Variants in SRFBP1 observed in about 807,000 individuals in gnomAD.
SRFBP1 encodes serum response factor binding protein 1, also known as serum response factor-binding protein 1.
In SRFBP1, 47 loss-of-function variants were observed where a neutral mutation model predicts 45.5. The observed-to-expected ratio is 1.03, with a 90% CI of 0.82 to 1.32. SRFBP1 has a LOEUF of 1.32. Among genes scored for constraint, SRFBP1 ranks in the 40% most tolerant of loss-of-function variants. The pLI is 0.00. For missense variants in SRFBP1, 621 were observed against 484.6 expected (o/e 1.28, Z -2.64); for synonymous variants, 203 against 166.3 (o/e 1.22, Z -1.70).
intron 2 of SRFBP1, among the ~76,000 whole-genome samples, chr5:122,047,192 A>C (rs374310636): frequency 0.041 from 6,316 of 152,290 alleles, 149 homozygotes; most frequent in African/African-American, 0.05. Flanking sequence ...CTAACATTTA[A>C]GTCTTTAATC....
chr5:122,039,135 G>A (rs1207891354), intron 2 of SRFBP1, among the ~76,000 whole-genome samples: 1 of 152,208 alleles, frequency 6.6e-6, no homozygotes. Flanking sequence ...AGAACGGTGT[G>A]TCCTCTGTAT....
intron 4 of SRFBP1, among the ~76,000 whole-genome samples, chr5:122,012,450 GA>G (rs1166350701): frequency 6.6e-6 from 1 of 151,952 alleles, no homozygotes; most frequent in Non-Finnish European, 1.5e-5. Context: ...TTTAAGAATG[GA>G]AAACTAAATT....
Position 122,022,378 on chromosome 5 carries a change from A to C in SRFBP1, c.1076A>C (p.Lys359Thr), listed in dbSNP as rs761375719. 7.4e-6 allele frequency: 12 copies of C among 1,611,214 alleles called. No individual in the cohort carries two copies. Among genetic ancestry groups the C allele is most frequent in the South Asian group, 6.6e-5 (6 of 90,330 alleles). ...TGTTTTTCTTCTTTTAGAAATTTCA[A>C]AGAACAGGCTCCAAAAACAAGATCC... ...SGSKSSRRNF[K>T]EQAPKTRSLD... The change falls in exon 7 of 8, where the codon AAA becomes ACA. Residue 359 changes from lysine (K) to threonine (T), a missense_variant. Physicochemically the swap from Lys to Thr is moderately conservative, Grantham distance 78. Transcript: ENST00000339397.
intron 2 of SRFBP1, among the ~76,000 whole-genome samples, chr5:122,036,584 G>A (rs1462313654): frequency 1.3e-5 from 2 of 152,182 alleles, no homozygotes; most frequent in Non-Finnish European, 2.9e-5. Flanking sequence ...GGAGGCTAGA[G>A]ATGGAGTAGC....
At chr5:122,031,518 TC>T (rs1004010312), downstream of SRFBP1, among the ~76,000 whole-genome samples, 23 of 151,870 alleles carry the variant, frequency 1.5e-4, no homozygotes, top group African/African-American at 5.6e-4. Context: ...ATAGAGAAAA[TC>T]AATAATGAGA....
chr5:121,998,145 C>T (rs1325246391), intron 4 of SRFBP1, among the ~76,000 whole-genome samples: 1 of 150,504 alleles, frequency 6.6e-6, no homozygotes, highest in Non-Finnish European at 1.5e-5. Context: ...TACCATTTGA[C>T]CCAGCCATCC....
At chr5:121,999,119 T>A (rs1039733418) in intron 4 of SRFBP1, among the ~76,000 whole-genome samples, 1 of 152,206 alleles carries the variant, frequency 6.6e-6, no homozygotes, top group Non-Finnish European at 1.5e-5. Context: ...TTTAATGCTA[T>A]GCATTTATCT....
chr5:121,975,819 A>G (rs1473921522), intron 3 of SRFBP1, among the ~76,000 whole-genome samples: 2 of 151,546 alleles, frequency 1.3e-5, no homozygotes, highest in African/African-American at 4.8e-5. Context: ...TCGGCATTTT[A>G]TTCAGTTCTG....
intron 2 of SRFBP1, among the ~76,000 whole-genome samples, chr5:122,039,935 TC>T (rs1228483036): frequency 6.6e-6 from 1 of 152,176 alleles, no homozygotes; most frequent in African/African-American, 2.4e-5. Flanking sequence ...ATGTAAATGT[TC>T]CTGGAGACTC....
chr5:122,037,286 ACT>A (rs1455204801), intron 2 of SRFBP1, among the ~76,000 whole-genome samples: 2 of 152,054 alleles, frequency 1.3e-5, no homozygotes, highest in East Asian at 1.9e-4. Context: ...TCATGCTCAC[ACT>A]CTGCCTCTTG....
chr5:122,059,366 T>A (rs1754136005), intron 2 of SRFBP1, among the ~76,000 whole-genome samples: 1 of 152,052 alleles, frequency 6.6e-6, no homozygotes, highest in African/African-American at 2.4e-5. Flanking sequence ...CATGTATGTG[T>A]TTTTTATCCC....
At chr5:122,042,451 C>T (rs1580541186) in intron 2 of SRFBP1, among the ~76,000 whole-genome samples, 4 of 151,994 alleles carry the variant, frequency 2.6e-5, no homozygotes, top group Admixed American at 2.0e-4. Context: ...CAACATCTTG[C>T]TATGTTGCCC....
intron 4 of SRFBP1, among the ~76,000 whole-genome samples, chr5:122,003,142 A>G (rs1452711977): frequency 6.6e-6 from 1 of 152,108 alleles, no homozygotes; most frequent in Non-Finnish European, 1.5e-5. Context: ...CCGGAGTTCA[A>G]GACTAGCCTG....
At chr5:121,986,451 A>G (rs539354900) in intron 3 of SRFBP1, among the ~76,000 whole-genome samples, 4 of 152,068 alleles carry the variant, frequency 2.6e-5, no homozygotes, top group African/African-American at 4.8e-5. Context: ...CATATAACCA[A>G]ATTTCCCTGG....
chr5:122,077,187 G>A, downstream of SRFBP1: 1 of 1,468,062 alleles, frequency 6.8e-7, no homozygotes, highest in Admixed American at 2.4e-5. This position sits in a 1 kb window ranked among gnomAD's most constrained non-coding sequence, Gnocchi z 4.9. Flanking sequence ...AGCAGGAGGG[G>A]CCAGACGCGC....
chr5:122,032,231 T>C (rs1025139084), downstream of SRFBP1, among the ~76,000 whole-genome samples: 8 of 151,900 alleles, frequency 5.3e-5, no homozygotes, highest in African/African-American at 1.9e-4. Flanking sequence ...TCTGACAGTA[T>C]TTTATTTTAA....
intron 4 of SRFBP1, among the ~76,000 whole-genome samples, chr5:122,000,996 T>G (rs1432010984): frequency 6.6e-6 from 1 of 152,094 alleles, no homozygotes; most frequent in Non-Finnish European, 1.5e-5. Flanking sequence ...ATACACTGAC[T>G]CTGGATGTCA....
intron 4 of SRFBP1, among the ~76,000 whole-genome samples, chr5:122,016,800 T>C (rs1753201727): frequency 6.6e-6 from 1 of 152,324 alleles, no homozygotes; most frequent in East Asian, 1.9e-4. Context: ...CTTTGCGCTG[T>C]ACTTAAATGA....
intron 2 of SRFBP1, among the ~76,000 whole-genome samples, chr5:122,039,729 A>G (rs1753744406): frequency 6.6e-6 from 1 of 152,168 alleles, no homozygotes; most frequent in Non-Finnish European, 1.5e-5. Context: ...TCCAGTCTTT[A>G]CACAAGCAAA....
Sources: gnomAD v4.1 joint callset for allele counts (sites outside exome capture counted in the v4.1 genomes callset) on GRCh38, gnomAD v4.1.1 for gene constraint, Gnocchi (gnomAD v3.1) non-coding constraint, MANE v1.5 for transcripts, NCBI Gene and HGNC (gene_info 2026-07-23, HGNC 2026-07-21) for gene names.